DAP3: variants seen among roughly 807,000 people sequenced by gnomAD.
DAP3 encodes death associated protein 3.
In DAP3, 28 loss-of-function variants were observed where a neutral mutation model predicts 51.9. That is an observed-to-expected ratio of 0.54 (90% CI 0.40 to 0.74). The LOEUF (loss-of-function observed/expected upper bound fraction) is 0.74. DAP3 is among the 30% of genes least tolerant of loss of function. The pLI, the probability that DAP3 is intolerant of heterozygous loss-of-function variation, is 0.00. For synonymous variants in DAP3, 170 were observed against 170.3 expected (o/e 1.00, Z 0.01); for missense variants, 458 against 483.5 (o/e 0.95, Z 0.49).
At chr1:155,736,174 A>G (rs1659770829) in intron 11 of DAP3, among the ~76,000 whole-genome samples, 2 of 151,776 alleles carry the variant, frequency 1.3e-5, no homozygotes, top group Non-Finnish European at 2.9e-5. Flanking sequence ...GTAATTTTGT[A>G]TTTTTAGTAT....
At chr1:155,688,937 G>A (rs1261884475), upstream of DAP3, 1 of 1,612,914 alleles carries the variant, frequency 6.2e-7, no homozygotes, top group Admixed American at 1.7e-5. Flanking sequence ...TACCTCCCTG[G>A]GTTCGTCGCC....
At chr1:155,707,381 C>T (rs948099006) in intron 1 of DAP3, among the ~76,000 whole-genome samples, 1 of 138,880 alleles carries the variant, frequency 7.2e-6, no homozygotes, top group Non-Finnish European at 1.6e-5. Flanking sequence ...CCACTGCACT[C>T]CAGCCTGGGT....
intron 1 of DAP3, among the ~76,000 whole-genome samples, chr1:155,696,931 G>C (rs560575820): frequency 2.4e-4 from 36 of 152,328 alleles, no homozygotes; most frequent in African/African-American, 8.7e-4. Context: ...CATGGTGGGG[G>C]ATGGGAGCCC....
intron 3 of DAP3, among the ~76,000 whole-genome samples, chr1:155,719,857 C>G (rs961237786): frequency 1.3e-4 from 19 of 151,776 alleles, no homozygotes; most frequent in African/African-American, 4.6e-4. Flanking sequence ...AAAAGTTTTT[C>G]AATTAGCAGT....
intron 1 of DAP3, among the ~76,000 whole-genome samples, chr1:155,702,574 G>C (rs566956935): frequency 6.6e-6 from 1 of 152,262 alleles, no homozygotes; most frequent in Non-Finnish European, 1.5e-5. Flanking sequence ...TGAGGTAGGG[G>C]TCCATTTTCA....
intron 1 of DAP3, among the ~76,000 whole-genome samples, chr1:155,697,312 C>T (rs769143201): frequency 1.2e-4 from 18 of 152,256 alleles, no homozygotes; most frequent in Admixed American, 2.0e-4. Flanking sequence ...GAAGAAGCTG[C>T]GGGCTGAACA....
rs1357449951 is a variant in DAP3, at chr1:155,721,526, G to A, written c.178G>A (p.Gly60Arg). ...RTNENDPAKHGDQHEGQHYNI... is the reference protein window; with the variant it reads ...RTNENDPAKHRDQHEGQHYNI... ...CACTCTTATTTCCTAGGCCAAGCATGGGGATCAGCACGAGGGTCAGCACTA... is the reference window on the plus strand; with the variant it reads ...CACTCTTATTTCCTAGGCCAAGCATAGGGATCAGCACGAGGGTCAGCACTA... The change falls in exon 4 of 13, where the codon GGG (glycine) becomes AGG (arginine). Residue 60 changes from glycine (G) to arginine (R), a missense_variant. Physicochemically the swap from Gly to Arg is moderately radical, Grantham distance 125. Transcript: ENST00000368336. 1.2e-6 allele frequency: 2 copies of A among 1,613,636 alleles called. No homozygotes were observed. The highest frequency in any genetic ancestry group is 2.2e-5 in the East Asian group (1 of 44,868).
intron 1 of DAP3, among the ~76,000 whole-genome samples, chr1:155,692,232 G>C (rs1180874944): frequency 1.4e-5 from 2 of 141,564 alleles, no homozygotes; most frequent in African/African-American, 6.4e-5. Flanking sequence ...AGATAAGAGA[G>C]CAGGTTGTGC....
chr1:155,708,991 GCGCGTGGCC>G (rs1656361525), intron 1 of DAP3: 1 of 151,804 alleles, frequency 6.6e-6, no homozygotes, highest in East Asian at 1.9e-4. Flanking sequence ...GTGAGCCACT[GCGCGTGGCC>G]TCCGACTAAT....
intron 1 of DAP3, among the ~76,000 whole-genome samples, chr1:155,692,381 C>G (rs78122383): frequency 7.1e-6 from 1 of 141,566 alleles, no homozygotes; most frequent in Non-Finnish European, 1.5e-5. Flanking sequence ...ACATGCCCCC[C>G]TTTTTTCTTT....
chr1:155,728,708 A>C (rs1658870865), intron 7 of DAP3, among the ~76,000 whole-genome samples: 1 of 152,104 alleles, frequency 6.6e-6, no homozygotes, highest in South Asian at 2.1e-4. Context: ...AAAAATACAA[A>C]AATTAGCCAG....
At chr1:155,721,387 T>C (rs1294535990) in intron 3 of DAP3, 130 bp from the exon 4 acceptor site, 5 of 416,716 alleles carry the variant, frequency 1.2e-5, no homozygotes, top group Non-Finnish European at 2.1e-5. Context: ...TGTGTATATA[T>C]ATATGTATGT....
chr1:155,729,211 A>G lies in DAP3; in HGVS notation c.688A>G (p.Ile230Val). 1.2e-6 allele frequency: 2 copies of G among 1,614,254 alleles called. No individual in the cohort carries two copies. The highest frequency in any genetic ancestry group is 1.7e-6 in the Non-Finnish European group (2 of 1,180,044). ...AATCCACTGTCTCTCCCAATAGGGC[A>G]TAACACGGGTGAGGAACGCCACAGA... ...SPLGEVVEQG[I>V]TRVRNATDAV... is the part of the protein sequence containing the mutation. Residue 230 changes from isoleucine to valine, a missense_variant, in exon 9 of 13, where the codon ATA becomes GTA. Coordinates refer to ENST00000368336, the MANE Select transcript of DAP3 (RefSeq NM_004632.4).
chr1:155,712,115 T>A (rs1336922348), intron 2 of DAP3, among the ~76,000 whole-genome samples: 1 of 152,076 alleles, frequency 6.6e-6, no homozygotes, highest in Non-Finnish European at 1.5e-5. Flanking sequence ...GGAACAATAC[T>A]TTACAGCCTT....
intron 1 of DAP3, among the ~76,000 whole-genome samples, chr1:155,706,148 C>T (rs528538725): frequency 1.2e-4 from 18 of 152,156 alleles, no homozygotes; most frequent in Non-Finnish European, 2.4e-4. Flanking sequence ...TACAGTCCTG[C>T]ACCACCCTGG....
chr1:155,710,055 C>G (rs921903734), intron 2 of DAP3: 4 of 404,470 alleles, frequency 9.9e-6, no homozygotes, highest in Non-Finnish European at 1.8e-5. Context: ...CTTTATTTCT[C>G]TAGCCAACTA....
intron 2 of DAP3, among the ~76,000 whole-genome samples, chr1:155,714,997 G>A (rs1200153045): frequency 6.6e-6 from 1 of 151,916 alleles, no homozygotes; most frequent in African/African-American, 2.4e-5. Context: ...GAGGTCAGGA[G>A]TTTGAGACCA....
chr1:155,731,611 T>A, intron 10 of DAP3, 196 bp downstream of exon 10: 1 of 587,506 alleles, frequency 1.7e-6, no homozygotes, highest in Non-Finnish European at 2.8e-6. Context: ...TGGTTTATAA[T>A]CTTTCCAAAG....
Position 155,689,125 on chromosome 1 carries a change from A to C in DAP3, c.-57A>C. ...GGACGGGCGCTTTGGAGCCGGCCCC[A>C]GGCAGCGTGTGTCGGTCGCCTAGTC... On this transcript the variant is annotated 5_prime_UTR_variant, in exon 1 of 13. Coordinates refer to ENST00000368336, the MANE Select transcript of DAP3 (RefSeq NM_004632.4). 1 of 1,049,100 alleles carries C rather than the reference A, an allele frequency of 9.5e-7. No homozygotes were observed. The highest frequency in any genetic ancestry group is 1.4e-6 in the Non-Finnish European group (1 of 708,160). 65.0% of individuals were successfully genotyped at this position (1,049,100 alleles called of 1,614,324 possible).
Sources: allele counts gnomAD v4.1 joint callset (sites outside exome capture counted in the v4.1 genomes callset), GRCh38; gene constraint gnomAD v4.1.1; transcripts MANE v1.5; gene names NCBI Gene and HGNC (gene_info 2026-07-23, HGNC 2026-07-21).